Variants in SLC17A1 observed in about 807,000 individuals in gnomAD.
SLC17A1 encodes the protein sodium-dependent phosphate transport protein 1.
A neutral mutation model predicts 53.5 loss-of-function variants in SLC17A1; 51 were observed. The ratio of observed to expected loss-of-function variants is 0.95; its 90% CI spans 0.76 to 1.20. The LOEUF is 1.20. Among genes scored for constraint, SLC17A1 ranks in the 50% most tolerant of loss-of-function variants. SLC17A1 has a pLI of 0.00. For synonymous variants in SLC17A1, 179 were observed against 198.8 expected, an observed-to-expected ratio of 0.90 and a Z score of 0.84; for missense variants, 538 against 568.2, an observed-to-expected ratio of 0.95 and a Z score of 0.54.
chr6:25,789,055 G>A (rs13211020), intron 12 of SLC17A1, among the ~76,000 whole-genome samples: 34 of 152,086 alleles, frequency 2.2e-4, no homozygotes, highest in Non-Finnish European at 3.7e-4. Context: ...GCAAACCTGA[G>A]GGCAGAGGCC....
At chr6:25,816,814 C>G (rs1764373872) in intron 6 of SLC17A1, among the ~76,000 whole-genome samples, 1 of 150,794 alleles carries the variant, frequency 6.6e-6, no homozygotes, top group Non-Finnish European at 1.5e-5. Context: ...TTGAAATAGT[C>G]TTTAGGAGAC....
At chr6:25,743,961 T>G in the SLC17A1 span, among the ~76,000 whole-genome samples, 1 of 152,086 alleles carries the variant, frequency 6.6e-6, no homozygotes, top group African/African-American at 2.4e-5. Context: ...AGAAGAATAT[T>G]TGAGTCAGAT....
chr6:25,773,126 TC>T, the SLC17A1 span: 1 of 691,902 alleles, frequency 1.4e-6, no homozygotes, highest in South Asian at 1.8e-5. Flanking sequence ...GGAAGTACCC[TC>T]CCCCATGATA....
the SLC17A1 span, chr6:25,727,298 C>CT: frequency 1.3e-6 from 2 of 1,581,042 alleles, no homozygotes; most frequent in Non-Finnish European, 1.7e-6. Context: ...AGTAAGCCTG[C>CT]TAAGTAAACG....
the SLC17A1 span, among the ~76,000 whole-genome samples, chr6:25,743,790 A>G: frequency 6.6e-6 from 1 of 152,232 alleles, no homozygotes. Context: ...GTTTATGTGT[A>G]ATAAAATGGA....
intron 6 of SLC17A1, among the ~76,000 whole-genome samples, chr6:25,816,940 C>T (rs1357711789): frequency 1.3e-5 from 2 of 151,246 alleles, no homozygotes; most frequent in African/African-American, 2.4e-5. Flanking sequence ...CTCTGCCTCC[C>T]GGATTCAAGT....
At chr6:25,774,176 T>C in the SLC17A1 span, among the ~76,000 whole-genome samples, 1 of 152,214 alleles carries the variant, frequency 6.6e-6, no homozygotes, top group African/African-American at 2.4e-5. Flanking sequence ...ATGTTTGTTT[T>C]AAAAAATCAT....
the SLC17A1 span, among the ~76,000 whole-genome samples, chr6:25,746,788 A>C: frequency 6.6e-6 from 1 of 152,180 alleles, no homozygotes; most frequent in African/African-American, 2.4e-5. Context: ...AACCTTGCGT[A>C]TCCCCTTCTG....
chr6:25,762,935 T>C, the SLC17A1 span, among the ~76,000 whole-genome samples: 1 of 152,188 alleles, frequency 6.6e-6, no homozygotes, highest in Non-Finnish European at 1.5e-5. Flanking sequence ...TTAAAATTAA[T>C]AATACGAAGA....
chr6:25,727,208 G>A, the SLC17A1 span: 10 of 1,613,946 alleles, frequency 6.2e-6, no homozygotes, highest in South Asian at 7.7e-5. Flanking sequence ...AGACAGCAGT[G>A]CGCTTGCTAC....
At chr6:25,811,918 AC>A (rs750927188) in intron 8 of SLC17A1, 148 bp from the exon 9 acceptor site, 13 of 812,598 alleles carry the variant, frequency 1.6e-5, no homozygotes, top group Non-Finnish European at 2.5e-5. Flanking sequence ...TACTGCTGGG[AC>A]CACATTACCC....
the SLC17A1 span, among the ~76,000 whole-genome samples, chr6:25,754,482 G>A: frequency 6.6e-6 from 1 of 152,172 alleles, no homozygotes; most frequent in African/African-American, 2.4e-5. Flanking sequence ...AGTGAAACAT[G>A]TGGGGTGTCA....
At chr6:25,732,765 T>G in the SLC17A1 span, 1 of 1,014,842 alleles carries the variant, frequency 9.9e-7, no homozygotes, top group Non-Finnish European at 1.5e-6. Context: ...TTGCCCAACA[T>G]CCAAGCTGTG....
the SLC17A1 span, among the ~76,000 whole-genome samples, chr6:25,729,610 A>G: frequency 6.6e-6 from 1 of 152,134 alleles, no homozygotes; most frequent in Non-Finnish European, 1.5e-5. Context: ...CTACCTTCAT[A>G]TATATTTGGC....
chr6:25,808,337 T>G (rs560153106), intron 10 of SLC17A1, among the ~76,000 whole-genome samples: 18 of 151,882 alleles, frequency 1.2e-4, no homozygotes, highest in African/African-American at 4.1e-4. Flanking sequence ...CTATGGAGAC[T>G]GAGAGGGGAG....
chr6:25,727,398 G>GGT, the SLC17A1 span: 1 of 888,120 alleles, frequency 1.1e-6, no homozygotes, highest in South Asian at 2.3e-5. Flanking sequence ...TAACCGTAAG[G>GGT]GTTTTTTTTT....
At chr6:25,725,986 G>A in the SLC17A1 span, 10,394 of 716,730 alleles carry the variant, frequency 0.015, 318 homozygotes, top group African/African-American at 0.093. Context: ...CGCTTAAACG[G>A]GCATTTGTGA....
chr6:25,793,818 G>A (rs1463816230), intron 12 of SLC17A1, among the ~76,000 whole-genome samples: 1 of 152,136 alleles, frequency 6.6e-6, no homozygotes, highest in African/African-American at 2.4e-5. Context: ...TCATAGCAGT[G>A]GTAGTACTGA....
the SLC17A1 span, chr6:25,771,047 C>A: frequency 6.6e-7 from 1 of 1,525,714 alleles, no homozygotes; most frequent in Non-Finnish European, 9.1e-7. Context: ...ATTTTTATGA[C>A]AGAGACTTCT....
Sources: allele counts gnomAD v4.1 joint callset (sites outside exome capture counted in the v4.1 genomes callset), GRCh38; gene constraint gnomAD v4.1.1; transcripts MANE v1.5; gene names NCBI Gene and HGNC (gene_info 2026-07-23, HGNC 2026-07-21).